Variants in H4C15 observed in about 807,000 individuals in gnomAD.
The protein encoded by H4C15 is histone H4.
downstream of H4C15, among the ~76,000 whole-genome samples, chr1:149,849,616 T>C (rs1389941074): frequency 6.6e-6 from 1 of 152,230 alleles, no homozygotes; most frequent in Non-Finnish European, 1.5e-5. Context: ...ATTTTGTTGC[T>C]ATTGTATGGA....
chr1:149,845,913 T>C, the H4C15 span: 1 of 152,136 alleles, frequency 6.6e-6, no homozygotes. Context: ...GGAGTAGTCT[T>C]GGAGGAAGAA....
chr1:149,845,156 C>T, the H4C15 span: 23 of 152,308 alleles, frequency 1.5e-4, no homozygotes, highest in African/African-American at 5.3e-4. Flanking sequence ...TCAATCGCTA[C>T]TTTTCCTTTC....
chr1:149,846,488 TA>T, the H4C15 span: 28 of 152,386 alleles, frequency 1.8e-4, no homozygotes, highest in Non-Finnish European at 3.4e-4. Flanking sequence ...GTTTCTGTAC[TA>T]ATGTCTTTGA....
downstream of H4C15, among the ~76,000 whole-genome samples, chr1:149,849,827 T>G (rs1571449917): frequency 6.6e-6 from 1 of 152,316 alleles, no homozygotes; most frequent in East Asian, 1.9e-4. Context: ...CACGTGTTTG[T>G]GAACCAATGA....
the H4C15 span, chr1:149,845,395 A>G: frequency 6.6e-6 from 1 of 152,244 alleles, no homozygotes; most frequent in African/African-American, 2.4e-5. Context: ...CATATGTGCA[A>G]TTGCTGTTAA....
chr1:149,850,128 G>A, downstream of H4C15: 9 of 532,672 alleles, frequency 1.7e-5, no homozygotes, highest in South Asian at 1.8e-4. Flanking sequence ...CTATGCCATA[G>A]TAAGATACCA....
chr1:149,855,800 TAGAG>T (rs1280126092), downstream of H4C15, among the ~76,000 whole-genome samples: 139 of 11,446 alleles, frequency 0.012, 28 homozygotes, highest in Middle Eastern at 0.12. Flanking sequence ...GAGAGGGAGA[TAGAG>T]AGAGAAAGAG....
the H4C15 span, chr1:149,845,713 A>C: frequency 6.6e-6 from 1 of 152,252 alleles, no homozygotes; most frequent in Non-Finnish European, 1.5e-5. Flanking sequence ...TTTGTCTTTT[A>C]AATGAGATAG....
At chr1:149,848,817 A>G in the H4C15 span, 1 of 152,242 alleles carries the variant, frequency 6.6e-6, no homozygotes, top group African/African-American at 2.4e-5. Context: ...ACTAAGTTAC[A>G]CCTCATGACA....
At chr1:149,849,710 G>T (rs2092163558), downstream of H4C15, among the ~76,000 whole-genome samples, 1 of 152,200 alleles carries the variant, frequency 6.6e-6, no homozygotes, top group Non-Finnish European at 1.5e-5. Context: ...AGATTTTAGG[G>T]TATCTCAACT....
chr1:149,846,405 G>A, the H4C15 span: 2 of 152,202 alleles, frequency 1.3e-5, no homozygotes, highest in African/African-American at 2.4e-5. Flanking sequence ...AATGTAACTT[G>A]GGAGTGAAAT....
At chr1:149,848,534 T>A in the H4C15 span, 1 of 152,224 alleles carries the variant, frequency 6.6e-6, no homozygotes, top group Non-Finnish European at 1.5e-5. Flanking sequence ...ATAAGCTGCT[T>A]TCCCAAAAGA....
At chr1:149,850,150 T>C (rs1553757553), downstream of H4C15, 6 of 590,866 alleles carry the variant, frequency 1.0e-5, no homozygotes, top group South Asian at 1.1e-4. Flanking sequence ...TATCAATCTA[T>C]GTAAGCTTAC....
the H4C15 span, chr1:149,848,645 C>A: frequency 1.2e-4 from 18 of 152,176 alleles, no homozygotes; most frequent in Non-Finnish European, 1.9e-4. Context: ...GAACTAATCA[C>A]AGTAAGAAGC....
At chr1:149,858,722 A>G (rs2092192530), downstream of H4C15, among the ~76,000 whole-genome samples, 1 of 84,280 alleles carries the variant, frequency 1.2e-5, no homozygotes, top group East Asian at 3.0e-4. Flanking sequence ...TGTTACCTGC[A>G]TCAGTGGCTT....
chr1:149,849,840 TA>T (rs1184658621), downstream of H4C15, among the ~76,000 whole-genome samples: 2 of 152,320 alleles, frequency 1.3e-5, no homozygotes, highest in East Asian at 3.9e-4. Flanking sequence ...ACCAATGATA[TA>T]AAAACCTCAG....
At chr1:149,845,645 G>A in the H4C15 span, 1 of 152,362 alleles carries the variant, frequency 6.6e-6, no homozygotes, top group Admixed American at 6.5e-5. Flanking sequence ...GATCACGGAG[G>A]TGCTTGAGGG....
At chr1:149,850,577 AAGG>A (rs1348166203), downstream of H4C15, 7 of 643,318 alleles carry the variant, frequency 1.1e-5, no homozygotes, top group Non-Finnish European at 1.8e-5. Context: ...GTCGTTGAGG[AAGG>A]AGTTCATGAT....
chr1:149,846,833 A>G, the H4C15 span: 1 of 152,248 alleles, frequency 6.6e-6, no homozygotes, highest in Non-Finnish European at 1.5e-5. Context: ...TCCATATTCA[A>G]ATTTCTCCAA....
Sources: allele counts gnomAD v4.1 joint callset (sites outside exome capture counted in the v4.1 genomes callset), GRCh38; gene constraint gnomAD v4.1.1; transcripts MANE v1.5; gene names NCBI Gene and HGNC (gene_info 2026-07-23, HGNC 2026-07-21).